ZBTB20: variants seen among roughly 807,000 people sequenced by gnomAD.
The protein encoded by ZBTB20 is zinc finger and BTB domain-containing protein 20.
In ZBTB20, 9 loss-of-function variants were observed where a neutral mutation model predicts 56.9. The ratio of observed to expected loss-of-function variants is 0.16; its 90% CI spans 0.10 to 0.28. The LOEUF (loss-of-function observed/expected upper bound fraction) is 0.28, where lower values mean the gene tolerates loss of function less well. ZBTB20 is among the 10% of genes least tolerant of loss of function. The pLI is 1.00. For missense variants in ZBTB20, 655 were observed against 1,003.0 expected, an observed-to-expected ratio of 0.65 and a Z score of 4.69; for synonymous variants, 417 against 420.7, an observed-to-expected ratio of 0.99 and a Z score of 0.11.
At chr3:114,993,258 A>G (rs1292743891) in intron 2 of ZBTB20, among the ~76,000 whole-genome samples, 3 of 152,028 alleles carry the variant, frequency 2.0e-5, no homozygotes, top group Non-Finnish European at 1.5e-5. Context: ...AGAAGAAGAG[A>G]TGGAGAAACA....
chr3:115,109,005 A>G (rs1401355941), intron 1 of ZBTB20, among the ~76,000 whole-genome samples: 1 of 152,168 alleles, frequency 6.6e-6, no homozygotes, highest in Non-Finnish European at 1.5e-5. Flanking sequence ...AGAAGAGGGT[A>G]CTTTTGTGAC....
chr3:114,954,886 T>TA (rs1254506871), intron 3 of ZBTB20, among the ~76,000 whole-genome samples: 1 of 152,202 alleles, frequency 6.6e-6, no homozygotes, highest in Non-Finnish European at 1.5e-5. Flanking sequence ...CTCTTGCTGA[T>TA]ACCAAGGAAC....
chr3:115,031,231 T>C (rs536540819), intron 2 of ZBTB20, among the ~76,000 whole-genome samples: 54 of 150,884 alleles, frequency 3.6e-4, no homozygotes, highest in Non-Finnish European at 6.1e-4. Flanking sequence ...CATGAATTAG[T>C]GGAGGTAATG....
At chr3:114,372,165 A>C (rs1246166225) in intron 10 of ZBTB20, among the ~76,000 whole-genome samples, 2 of 152,246 alleles carry the variant, frequency 1.3e-5, no homozygotes, top group African/African-American at 4.8e-5. Context: ...GAGAAGCACT[A>C]ATTTTATATA....
Position 114,316,220 on chromosome 3 carries a change from C to T in ZBTB20, c.*22785G>A, listed in dbSNP as rs183561440. 9 of 310,428 alleles carry T rather than the reference C, an allele frequency of 2.9e-5. No individual in the cohort carries two copies. Among genetic ancestry groups the T allele is most frequent in the Admixed American group, 1.1e-4 (2 of 18,988 alleles). The allele number at this position is 310,428 out of a possible 1,614,324, so 19.2% of individuals were successfully genotyped here. A position where few individuals can be genotyped will look rare whatever the true frequency, so the allele number is the denominator to read the frequency against. On this transcript the variant is annotated 3_prime_UTR_variant, in exon 12 of 12. Coordinates refer to ENST00000675478, the MANE Select transcript of ZBTB20 (RefSeq NM_001348800.3). Reference sequence around the variant, plus strand: ...ATATAGAACATTACTGCATTCGCATCGGATCAAGATGGTTTCGCCCATTTT... The same window carrying T: ...ATATAGAACATTACTGCATTCGCATTGGATCAAGATGGTTTCGCCCATTTT...
At chr3:114,427,039 G>C (rs1250818251) in intron 7 of ZBTB20, among the ~76,000 whole-genome samples, 4 of 152,076 alleles carry the variant, frequency 2.6e-5, no homozygotes, top group African/African-American at 9.7e-5. Flanking sequence ...GCACATGATA[G>C]GTATCACTAA....
chr3:115,106,818 C>A (rs542811837), intron 1 of ZBTB20, among the ~76,000 whole-genome samples: 2 of 152,178 alleles, frequency 1.3e-5, no homozygotes, highest in African/African-American at 4.8e-5. Flanking sequence ...CTCTGCCCCC[C>A]AGAGCAGAGA....
At chr3:114,636,696 C>A (rs2059292869) in intron 6 of ZBTB20, among the ~76,000 whole-genome samples, 1 of 151,678 alleles carries the variant, frequency 6.6e-6, no homozygotes, top group East Asian at 1.9e-4. Flanking sequence ...AGAAAGGAAT[C>A]AAAGCATATT....
At chr3:115,009,872 A>T (rs2079625765) in intron 2 of ZBTB20, among the ~76,000 whole-genome samples, 1 of 151,964 alleles carries the variant, frequency 6.6e-6, no homozygotes, top group Non-Finnish European at 1.5e-5. Context: ...CCTCGAGAAC[A>T]GTGAGCAATA....
intron 1 of ZBTB20, among the ~76,000 whole-genome samples, chr3:115,075,419 T>A (rs1394240406): frequency 1.3e-5 from 2 of 152,176 alleles, no homozygotes; most frequent in Non-Finnish European, 2.9e-5. Context: ...ATTAGCACAG[T>A]GTCCTCAAGT....
At chr3:114,716,084 T>A (rs2064459287) in intron 5 of ZBTB20, among the ~76,000 whole-genome samples, 1 of 152,176 alleles carries the variant, frequency 6.6e-6, no homozygotes. Flanking sequence ...AGGATGATAA[T>A]CTCTCTCCGT....
intron 6 of ZBTB20, among the ~76,000 whole-genome samples, chr3:114,565,387 C>T (rs1421519290): frequency 2.6e-5 from 4 of 152,190 alleles, no homozygotes; most frequent in Admixed American, 6.5e-5. Context: ...TCCGTCTGGG[C>T]GTCTGGCACC....
chr3:114,714,768 T>G (rs750014802), intron 5 of ZBTB20, among the ~76,000 whole-genome samples: 49 of 152,204 alleles, frequency 3.2e-4, no homozygotes, highest in Non-Finnish European at 6.2e-4. Context: ...GACAACTTTT[T>G]CGCTGCAAAA....
At chr3:114,402,201 A>G (rs887450022) in intron 7 of ZBTB20, among the ~76,000 whole-genome samples, 1 of 152,168 alleles carries the variant, frequency 6.6e-6, no homozygotes, top group Admixed American at 6.6e-5. Flanking sequence ...GAGGACCAGC[A>G]CCTGGCTATG....
intron 4 of ZBTB20, among the ~76,000 whole-genome samples, chr3:114,835,155 G>A (rs982548186): frequency 6.6e-6 from 1 of 152,116 alleles, no homozygotes; most frequent in Non-Finnish European, 1.5e-5. Context: ...AAGGTTTCAG[G>A]AGGGCTTTTG....
intron 5 of ZBTB20, among the ~76,000 whole-genome samples, chr3:114,699,069 C>A (rs1193723870): frequency 1.3e-5 from 2 of 152,120 alleles, no homozygotes; most frequent in South Asian, 2.1e-4. Context: ...AAATATCAGG[C>A]AGTTATTTAG....
intron 2 of ZBTB20, among the ~76,000 whole-genome samples, chr3:115,018,319 T>G (rs1033990383): frequency 4.0e-5 from 6 of 151,530 alleles, no homozygotes; most frequent in African/African-American, 1.4e-4. Context: ...TTTAACAAGA[T>G]AAAATTAACC....
chr3:114,355,364 T>C (rs1426263824), intron 10 of ZBTB20, among the ~76,000 whole-genome samples: 1 of 151,988 alleles, frequency 6.6e-6, no homozygotes, highest in Non-Finnish European at 1.5e-5. Context: ...CTGACATGCC[T>C]GGTTGAATTT....
intron 1 of ZBTB20, among the ~76,000 whole-genome samples, chr3:115,077,585 A>G (rs973625237): frequency 2.6e-5 from 4 of 152,242 alleles, no homozygotes; most frequent in African/African-American, 4.8e-5. Flanking sequence ...ACACTTGAAT[A>G]AAGATTTATT....
Sources: allele counts gnomAD v4.1 joint callset (sites outside exome capture counted in the v4.1 genomes callset), GRCh38; gene constraint gnomAD v4.1.1; transcripts MANE v1.5; gene names NCBI Gene and HGNC (gene_info 2026-07-23, HGNC 2026-07-21).